APBA2: variants seen among roughly 807,000 people sequenced by gnomAD.
APBA2 encodes the protein amyloid-beta A4 precursor protein-binding family A member 2.
In APBA2, 30 loss-of-function variants were observed where a neutral mutation model predicts 75.0. That is an observed-to-expected ratio of 0.40 (90% CI 0.30 to 0.54). The LOEUF (loss-of-function observed/expected upper bound fraction) is 0.54, where lower values mean the gene tolerates loss of function less well. Among genes scored for constraint, APBA2 ranks in the 20% least tolerant of loss-of-function variants. APBA2 has a pLI of 0.49. For missense variants in APBA2, 801 were observed against 1,016.1 expected (o/e 0.79, Z 2.88); for synonymous variants, 444 against 409.6 (o/e 1.08, Z -1.01).
At chr15:28,959,203 G>A (rs907929251) in intron 2 of APBA2, among the ~76,000 whole-genome samples, 2 of 152,124 alleles carry the variant, frequency 1.3e-5, no homozygotes, top group Admixed American at 6.5e-5. Context: ...TGGCCAGGAC[G>A]GTCTTGATCT....
chr15:28,929,701 C>T (rs575880960), intron 2 of APBA2, among the ~76,000 whole-genome samples: 31 of 152,280 alleles, frequency 2.0e-4, no homozygotes, highest in Admixed American at 9.1e-4. Context: ...TTTGGCTTTT[C>T]GGATTGCAGT....
intron 6 of APBA2, among the ~76,000 whole-genome samples, chr15:29,084,121 A>G: frequency 6.6e-6 from 1 of 152,206 alleles, no homozygotes; most frequent in Non-Finnish European, 1.5e-5. Context: ...CGATTTTTAT[A>G]TATTAAATTT....
chr15:28,906,412 AC>A (rs1249702365), intron 1 of APBA2, among the ~76,000 whole-genome samples: 1 of 152,194 alleles, frequency 6.6e-6, no homozygotes, highest in African/African-American at 2.4e-5. Flanking sequence ...TTGGGTTGTT[AC>A]CATTTTTCTC....
At chr15:28,983,432 G>A (rs2037728385) in intron 2 of APBA2, among the ~76,000 whole-genome samples, 1 of 152,142 alleles carries the variant, frequency 6.6e-6, no homozygotes, top group Non-Finnish European at 1.5e-5. Context: ...TCAGTTTTGG[G>A]CCCATGCGTG....
At chr15:28,944,510 C>T (rs889923518) in intron 2 of APBA2, among the ~76,000 whole-genome samples, 25 of 152,224 alleles carry the variant, frequency 1.6e-4, no homozygotes, top group African/African-American at 5.8e-4. Flanking sequence ...GACCACCCTG[C>T]GGACTCGCTC....
chr15:29,021,677 C>G (rs1056374080), intron 3 of APBA2, among the ~76,000 whole-genome samples: 1 of 152,160 alleles, frequency 6.6e-6, no homozygotes, highest in Non-Finnish European at 1.5e-5. Flanking sequence ...TCCACCTTCT[C>G]AGCAGATTTT....
intron 3 of APBA2, among the ~76,000 whole-genome samples, chr15:29,038,303 C>G (rs752193090): frequency 7.2e-5 from 11 of 152,208 alleles, no homozygotes; most frequent in Non-Finnish European, 1.0e-4. Flanking sequence ...TTTTCTGGCT[C>G]CAAGTGACCT....
At chr15:28,908,209 T>G (rs1359673963) in intron 1 of APBA2, among the ~76,000 whole-genome samples, 2 of 152,170 alleles carry the variant, frequency 1.3e-5, no homozygotes, top group Admixed American at 1.3e-4. Context: ...GTGGGCCATC[T>G]TCCCTGACTC....
chr15:29,004,901 A>G (rs1365899196), intron 3 of APBA2, among the ~76,000 whole-genome samples: 1 of 151,912 alleles, frequency 6.6e-6, no homozygotes, highest in African/African-American at 2.4e-5. Context: ...GCTGGTCTCA[A>G]ACTCCTGATC....
intron 2 of APBA2, among the ~76,000 whole-genome samples, chr15:28,955,066 C>T (rs773470053): frequency 2.0e-5 from 3 of 152,100 alleles, no homozygotes; most frequent in East Asian, 1.9e-4. Flanking sequence ...CGACGCTGTG[C>T]GCATCTGTAT....
At chr15:29,105,933 T>TTCC (rs1310767911) in intron 11 of APBA2, among the ~76,000 whole-genome samples, 4 of 152,214 alleles carry the variant, frequency 2.6e-5, no homozygotes, top group Non-Finnish European at 5.9e-5. Context: ...CCTTAGCTGG[T>TTCC]CCCAGTGGCT....
At chr15:28,967,118 T>C (rs1187719754) in intron 2 of APBA2, among the ~76,000 whole-genome samples, 1 of 152,236 alleles carries the variant, frequency 6.6e-6, no homozygotes, top group South Asian at 2.1e-4. Context: ...CTGCTAGTAA[T>C]AAATTCTTTA....
rs1257416535 is a variant in APBA2 at position 29,038,964 on chromosome 15, G to A, written c.-40-14881G>A. Reference sequence around the variant, plus strand: ...TGGGATTACAGGTGTGAGCCACTACGCCTGGCGCATGCATTTTTTAGAAGG... The same window carrying A: ...TGGGATTACAGGTGTGAGCCACTACACCTGGCGCATGCATTTTTTAGAAGG... On this transcript the variant is annotated intron_variant, in intron 3 of 14. Transcript: ENST00000683413. Among the ~76,000 whole-genome samples, 11 of 152,204 alleles carry A rather than the reference G, an allele frequency of 7.2e-5. No homozygotes were observed. The East Asian group carries it at 1.9e-3, about 27-fold the overall frequency.
intron 2 of APBA2, among the ~76,000 whole-genome samples, chr15:28,924,459 C>A (rs1025829975): frequency 2.6e-5 from 4 of 152,224 alleles, no homozygotes; most frequent in African/African-American, 9.6e-5. Context: ...AATCTGCTTT[C>A]TGTCTCCATG....
intron 3 of APBA2, among the ~76,000 whole-genome samples, chr15:29,020,357 T>C (rs1276555388): frequency 6.6e-6 from 1 of 152,106 alleles, no homozygotes; most frequent in East Asian, 1.9e-4. Context: ...TTAGGGATTA[T>C]AAGAAAATGT....
intron 6 of APBA2, among the ~76,000 whole-genome samples, chr15:29,080,701 C>G (rs2152931799): frequency 6.6e-6 from 1 of 152,260 alleles, no homozygotes; most frequent in South Asian, 2.1e-4. Context: ...GCCCAAGCTG[C>G]TTAGAGGGTC....
chr15:28,948,846 C>T (rs890035592), intron 2 of APBA2, among the ~76,000 whole-genome samples: 2 of 150,968 alleles, frequency 1.3e-5, no homozygotes, highest in African/African-American at 4.9e-5. Context: ...TGTCCCAGGC[C>T]AGGCACAGAG....
At position 28,967,906 on chromosome 15, in the gene APBA2, C is replaced by T. The variant is rs987049889; in HGVS notation, c.-94-27847C>T. On this transcript the variant is annotated intron_variant, in intron 2 of 14. Coordinates refer to ENST00000683413, the MANE Select transcript of APBA2 (RefSeq NM_001353788.2). Reference sequence around the variant, plus strand: ...CCACTCATCTCCAGAATGATTTCATCTTCCCAAAATTTAACCTCTGCACTC... The same window carrying T: ...CCACTCATCTCCAGAATGATTTCATTTTCCCAAAATTTAACCTCTGCACTC... 6.6e-5 allele frequency among the ~76,000 whole-genome samples: 10 copies of T among 152,282 alleles called. No individual in the cohort carries two copies. The East Asian group carries it at 9.6e-4, about 15-fold the overall frequency.
In APBA2 at chr15:29,002,390, C is replaced by T. The variant is rs529922925; in HGVS notation, c.-41+6584C>T. On this transcript the variant is annotated intron_variant, in intron 3 of 14. Transcript: ENST00000683413. ...GGGCTGCTGTGAACTAATCTCCTTT[C>T]TTGGGCAAATCGCTTAATCTCCTTC... 5.2e-4 allele frequency among the ~76,000 whole-genome samples: 79 copies of T among 152,330 alleles called. 1 individual carries two copies. The South Asian group carries it at 0.016, about 30-fold the overall frequency.
Sources: gnomAD v4.1 joint callset for allele counts (sites outside exome capture counted in the v4.1 genomes callset) on GRCh38, gnomAD v4.1.1 for gene constraint, MANE v1.5 for transcripts, NCBI Gene and HGNC (gene_info 2026-07-23, HGNC 2026-07-21) for gene names.